TEX9: variants seen among roughly 807,000 people sequenced by gnomAD.
TEX9 encodes the protein testis-expressed protein 9.
A neutral mutation model predicts 59.6 loss-of-function variants in TEX9; 74 were observed. That is an observed-to-expected ratio of 1.24 (90% CI 1.03 to 1.51). The LOEUF (loss-of-function observed/expected upper bound fraction) is 1.51, where lower values mean the gene tolerates loss of function less well. Ranked by LOEUF, TEX9 falls within the 40% of genes most tolerant of loss-of-function variation. The pLI, the probability that TEX9 is intolerant of heterozygous loss-of-function variation, is 0.00. For synonymous variants in TEX9, 186 were observed against 152.2 expected, an observed-to-expected ratio of 1.22 and a Z score of -1.64; for missense variants, 522 against 447.8, an observed-to-expected ratio of 1.17 and a Z score of -1.49.
intron 1 of TEX9, among the ~76,000 whole-genome samples, chr15:56,310,622 C>A (rs2045589429): frequency 6.6e-6 from 1 of 152,090 alleles, no homozygotes; most frequent in African/African-American, 2.4e-5. Flanking sequence ...CCAGCTCTGC[C>A]AAGTAGGCTA....
intron 1 of TEX9, among the ~76,000 whole-genome samples, chr15:56,352,881 T>A (rs1323062290): frequency 6.6e-6 from 1 of 152,272 alleles, no homozygotes; most frequent in East Asian, 1.9e-4. Context: ...TTTCATACTA[T>A]ATGAGAGTTC....
intron 9 of TEX9, among the ~76,000 whole-genome samples, chr15:56,400,500 T>G (rs1313496115): frequency 6.6e-6 from 1 of 152,150 alleles, no homozygotes; most frequent in Non-Finnish European, 1.5e-5. Flanking sequence ...AGACCAAATC[T>G]ACATTTGATT....
At chr15:56,311,363 A>C (rs1180406015) in intron 1 of TEX9, among the ~76,000 whole-genome samples, 19 of 140,644 alleles carry the variant, frequency 1.4e-4, no homozygotes, top group Admixed American at 7.4e-4. Context: ...CTCATTGTTC[A>C]GTCCCCACCT....
chr15:56,263,944 G>C (rs1245250558), intron 1 of TEX9, among the ~76,000 whole-genome samples: 4 of 152,196 alleles, frequency 2.6e-5, no homozygotes, highest in Admixed American at 6.5e-5. Context: ...CCATTCACCA[G>C]GTGAAAGACA....
intron 1 of TEX9, among the ~76,000 whole-genome samples, chr15:56,288,289 C>T (rs562687415): frequency 4.6e-5 from 7 of 151,678 alleles, no homozygotes; most frequent in African/African-American, 9.7e-5. Flanking sequence ...TTTACTAGTT[C>T]GCTTTTTACT....
At chr15:56,331,166 A>C (rs1373876138) in intron 1 of TEX9, among the ~76,000 whole-genome samples, 2 of 152,206 alleles carry the variant, frequency 1.3e-5, no homozygotes, top group African/African-American at 4.8e-5. Flanking sequence ...AAATATTATT[A>C]GAGGTAATGA....
At chr15:56,298,523 G>C (rs548005551) in intron 1 of TEX9, among the ~76,000 whole-genome samples, 1 of 152,070 alleles carries the variant, frequency 6.6e-6, no homozygotes, top group Non-Finnish European at 1.5e-5. Flanking sequence ...ATACTTCTCT[G>C]TTCTTCCAAA....
Position 56,300,702 on chromosome 15 carries a change from A to AGG in TEX9, c.-107+56425_-107+56426insGG, listed in dbSNP as rs1268412569. ...CAACTCAGCAGAGAGAGAGAGAGAG[A>AGG]GAGAGGGAGAGAGAGAGAGAGAGAG... is the stretch of plus-strand genomic sequence containing the variant. On this transcript the variant is annotated intron_variant, in intron 1 of 5. Coordinates refer to the TEX9 transcript ENST00000560827. Among the ~76,000 whole-genome samples, 99 of 56,682 alleles carry AGG rather than the reference A, an allele frequency of 1.7e-3. 1 individual carries two copies. Among genetic ancestry groups the AGG allele is most frequent in the Middle Eastern group, 0.014 (1 of 74 alleles). 37.2% of individuals were successfully genotyped at this position (56,682 alleles called of 152,430 possible). A position where few individuals can be genotyped will look rare whatever the true frequency, so the allele number is the denominator to read the frequency against.
intron 1 of TEX9, among the ~76,000 whole-genome samples, chr15:56,352,933 C>A (rs779878308): frequency 5.3e-5 from 8 of 152,154 alleles, no homozygotes; most frequent in Non-Finnish European, 1.0e-4. Flanking sequence ...TTGCTATTTT[C>A]TCTTCTCCAT....
chr15:56,357,122 A>G (rs1193703457), intron 1 of TEX9, among the ~76,000 whole-genome samples: 1 of 152,134 alleles, frequency 6.6e-6, no homozygotes, highest in Non-Finnish European at 1.5e-5. Context: ...TAAATTCAGA[A>G]GATAGAAGTT....
At chr15:56,318,228 C>T (rs990525204) in intron 1 of TEX9, among the ~76,000 whole-genome samples, 2 of 151,972 alleles carry the variant, frequency 1.3e-5, no homozygotes, top group African/African-American at 2.4e-5. Context: ...GTTCCTAATG[C>T]GTTGATCCTT....
chr15:56,251,043 G>A (rs547016298), intron 1 of TEX9, among the ~76,000 whole-genome samples: 1 of 152,080 alleles, frequency 6.6e-6, no homozygotes, highest in Non-Finnish European at 1.5e-5. Flanking sequence ...TCTTTATGTG[G>A]ATCTCAGGAA....
At chr15:56,404,050 A>G (rs1310075251) in intron 9 of TEX9, among the ~76,000 whole-genome samples, 3 of 152,254 alleles carry the variant, frequency 2.0e-5, no homozygotes, top group African/African-American at 7.2e-5. Context: ...CCTATGCAGT[A>G]CCATTCAGGA....
intron 1 of TEX9, among the ~76,000 whole-genome samples, chr15:56,338,885 T>G (rs1262824180): frequency 6.6e-6 from 1 of 152,070 alleles, no homozygotes; most frequent in Non-Finnish European, 1.5e-5. Context: ...ACCATTGGTC[T>G]CCAGCCTGGG....
In TEX9 at chr15:56,442,077, T is replaced by A. The variant is rs567067140; in HGVS notation, c.*30-3594T>A. On this transcript the variant is annotated intron_variant, in intron 12 of 12. Coordinates refer to ENST00000352903, the Ensembl canonical transcript of TEX9. Reference sequence around the variant, plus strand: ...AAAAAGAAAAAATAGGCTAAGTACATGAACAGATACCTCTCAAAAAATGAT... The same window carrying A: ...AAAAAGAAAAAATAGGCTAAGTACAAGAACAGATACCTCTCAAAAAATGAT... 3.8e-4 allele frequency among the ~76,000 whole-genome samples: 57 copies of A among 151,962 alleles called. 2 individuals carry two copies. In the South Asian group the frequency reaches 0.011, roughly 29 times the overall value.
chr15:56,440,251 A>C (rs1338746991), intron 12 of TEX9, among the ~76,000 whole-genome samples: 1 of 152,202 alleles, frequency 6.6e-6, no homozygotes, highest in Non-Finnish European at 1.5e-5. Context: ...AGTGGCTAAA[A>C]TAAAAAATTG....
rs56766153 is a variant in TEX9, at chr15:56,302,320, TACACACACACAC to T, written c.-107+58073_-107+58084del. The stretch of plus-strand genomic sequence containing the variant: ...CTGGGCAACAGAGCAAGACACTGTT[TACACACACACAC>T]ACACACACACACACACACACACACA... On this transcript the variant is annotated intron_variant, in intron 1 of 5. Transcript: ENST00000560827. Among the ~76,000 whole-genome samples the T allele has an allele frequency of 3.2e-3, 439 of 135,784 alleles. 2 individuals carry two copies. The highest frequency in any genetic ancestry group is 0.01 in the African/African-American group (364 of 35,906). 89.1% of individuals were successfully genotyped at this position (135,784 alleles called of 152,430 possible).
intron 1 of TEX9, among the ~76,000 whole-genome samples, chr15:56,280,356 A>G (rs1468976442): frequency 6.6e-6 from 1 of 152,206 alleles, no homozygotes; most frequent in African/African-American, 2.4e-5. Flanking sequence ...TACTGATTTT[A>G]GTGTTAAACC....
At chr15:56,260,028 A>C (rs1348856397) in intron 1 of TEX9, among the ~76,000 whole-genome samples, 1 of 152,096 alleles carries the variant, frequency 6.6e-6, no homozygotes, top group Non-Finnish European at 1.5e-5. Context: ...AGTATTGTTT[A>C]AAATTTTTTA....
Sources: allele counts gnomAD v4.1 joint callset (sites outside exome capture counted in the v4.1 genomes callset), GRCh38; gene constraint gnomAD v4.1.1; transcripts MANE v1.5; gene names NCBI Gene and HGNC (gene_info 2026-07-23, HGNC 2026-07-21).